HIPK3: variants seen among roughly 807,000 people sequenced by gnomAD.
HIPK3 encodes homeodomain-interacting protein kinase 3.
A neutral mutation model predicts 124.2 loss-of-function variants in HIPK3; 47 were observed. The ratio of observed to expected loss-of-function variants is 0.38; its 90% CI spans 0.30 to 0.48. The LOEUF is 0.48. HIPK3 is among the 20% of genes least tolerant of loss of function. HIPK3 has a pLI of 0.98. For missense variants in HIPK3, 1,286 were observed against 1,454.3 expected (o/e 0.88, Z 1.88); for synonymous variants, 482 against 515.2 (o/e 0.94, Z 0.87).
At chr11:33,288,437 A>G (rs939778748) in intron 2 of HIPK3, among the ~76,000 whole-genome samples, 2 of 152,174 alleles carry the variant, frequency 1.3e-5, no homozygotes, top group Admixed American at 6.6e-5. Context: ...CCTGGGCCAC[A>G]AGAGCAAAAC....
rs1237251616 is a variant in HIPK3 at position 33,287,028 on chromosome 11, G to A, written c.614G>A (p.Arg205Gln). The change falls in exon 2 of 17, where the codon CGA becomes CAA. Residue 205 changes from arginine to glutamine, a missense_variant. Coordinates refer to ENST00000303296, the MANE Select transcript of HIPK3 (RefSeq NM_005734.5). The stretch of plus-strand genomic sequence containing the variant: ...TACGAAGTCCTTGATTTTCTTGGTC[G>A]AGGCACGTTTGGCCAGGTAGTTAAA... ...NTYEVLDFLG[R>Q]GTFGQVVKCW... 5 of 1,614,144 alleles carry A rather than the reference G, an allele frequency of 3.1e-6. No homozygotes were observed. The highest frequency in any genetic ancestry group is 1.3e-5 in the African/African-American group (1 of 75,016).
chr11:33,279,295 C>T (rs1445145941), intron 1 of HIPK3, among the ~76,000 whole-genome samples: 3 of 130,720 alleles, frequency 2.3e-5, no homozygotes, highest in Admixed American at 1.9e-4. Flanking sequence ...AGCACTCCAG[C>T]GCAGGCAACA....
chr11:33,350,831 AT>A (rs1853636936), intron 14 of HIPK3, among the ~76,000 whole-genome samples: 1 of 152,256 alleles, frequency 6.6e-6, no homozygotes. Context: ...TATGGAAAAT[AT>A]AAGGAAATTT....
intron 1 of HIPK3, chr11:33,258,754 G>A (rs1448534051): frequency 7.1e-6 from 7 of 980,246 alleles, no homozygotes; most frequent in Non-Finnish European, 7.3e-6. Context: ...TTGCGCTGAA[G>A]AGTGTGTGCG....
intron 2 of HIPK3, among the ~76,000 whole-genome samples, chr11:33,309,835 T>C (rs1367738750): frequency 2.6e-5 from 4 of 152,208 alleles, no homozygotes; most frequent in Non-Finnish European, 5.9e-5. Context: ...AAGCTTAATA[T>C]TTGTTTATGG....
At chr11:33,348,396 T>C (rs1853560810) in intron 12 of HIPK3, 126 bp from the exon 13 acceptor site, 1 of 1,008,372 alleles carries the variant, frequency 9.9e-7, no homozygotes, top group East Asian at 2.6e-5. Flanking sequence ...TCAAGATCTG[T>C]TAGTGTGTTA....
rs1456938483 is a variant in HIPK3 at position 33,341,091 on chromosome 11, T to A, written c.1737T>A (p.Thr579=). Residue 579 remains threonine, a synonymous_variant, in exon 7 of 17, where the codon ACT becomes ACA. Transcript: ENST00000303296. The part of the protein sequence containing the change: ...PVASSSTATL[T]ANFTKIGTLR... ...CTTCAAGCAGTACTGCTACACTGAC[T>A]GCAAATTTTACTAAAATCGGAACAT... is the stretch of plus-strand genomic sequence containing the variant. The A allele has an allele frequency of 6.3e-7, 1 of 1,598,628 alleles. No homozygotes were observed. The highest frequency in any genetic ancestry group is 8.5e-7 in the Non-Finnish European group (1 of 1,174,896).
intron 2 of HIPK3, among the ~76,000 whole-genome samples, chr11:33,297,490 T>C (rs1460264024): frequency 1.3e-5 from 2 of 152,154 alleles, no homozygotes; most frequent in Admixed American, 6.5e-5. Flanking sequence ...CTCTCTTCAA[T>C]TCTATGAAAG....
chr11:33,266,951 C>T (rs1478691606), intron 1 of HIPK3, among the ~76,000 whole-genome samples: 3 of 151,990 alleles, frequency 2.0e-5, no homozygotes, highest in Non-Finnish European at 2.9e-5. Context: ...CTTGTTTTCT[C>T]GTGGTTTTTT....
chr11:33,267,991 A>G (rs749921255), intron 1 of HIPK3, among the ~76,000 whole-genome samples: 1 of 151,916 alleles, frequency 6.6e-6, no homozygotes, highest in East Asian at 1.9e-4. Context: ...CCGGCAGACC[A>G]CCTGAGCTCA....
rs571447303 is a variant in HIPK3, at chr11:33,309,578, T to C, written c.1098-18932T>C. On this transcript the variant is annotated intron_variant, in intron 2 of 16. Coordinates refer to ENST00000303296, the MANE Select transcript of HIPK3 (RefSeq NM_005734.5). ...GTGGCTGCTTGACTCTTATTTTTAA[T>C]TTAGACCCAGTTAGCCACTTAGGAT... 3.3e-5 allele frequency among the ~76,000 whole-genome samples: 5 copies of C among 152,368 alleles called. No homozygotes were observed. The East Asian group carries it at 5.8e-4, about 18-fold the overall frequency.
At chr11:33,279,720 G>A (rs937019450) in intron 1 of HIPK3, among the ~76,000 whole-genome samples, 6 of 152,272 alleles carry the variant, frequency 3.9e-5, no homozygotes, top group Middle Eastern at 6.8e-3. Flanking sequence ...CCCTTAGACT[G>A]GGTAATTTCT....
chr11:33,334,181 CAT>C (rs1196704415), intron 3 of HIPK3, among the ~76,000 whole-genome samples: 1 of 151,906 alleles, frequency 6.6e-6, no homozygotes, highest in African/African-American at 2.4e-5. Context: ...GGAAAACAGA[CAT>C]GTAAAAAATT....
intron 1 of HIPK3, among the ~76,000 whole-genome samples, chr11:33,268,576 G>GT (rs1175640080): frequency 6.5e-5 from 7 of 106,876 alleles, no homozygotes; most frequent in African/African-American, 2.4e-4. Context: ...GGACAACAGA[G>GT]TAAGACTCCG....
In HIPK3 at chr11:33,356,816, A is replaced by G. The variant is rs1358893170; in HGVS notation, c.*3248A>G. On this transcript the variant is annotated 3_prime_UTR_variant, in exon 17 of 17. Coordinates refer to ENST00000303296, the MANE Select transcript of HIPK3 (RefSeq NM_005734.5). ...TGCACTGTGCAATATTACAATAAGGACTGGGAAAATTTTATGGATGTAATG... is the reference window on the plus strand; with the variant it reads ...TGCACTGTGCAATATTACAATAAGGGCTGGGAAAATTTTATGGATGTAATG... 6.6e-6 allele frequency: 1 copy of G among 152,048 alleles called. No homozygotes were observed. Among genetic ancestry groups the G allele is most frequent in the African/African-American group, 2.4e-5 (1 of 41,422 alleles). 9.4% of individuals were successfully genotyped at this position (152,048 alleles called of 1,614,324 possible).
chr11:33,321,856 G>A (rs2133958813), intron 2 of HIPK3, among the ~76,000 whole-genome samples: 1 of 152,196 alleles, frequency 6.6e-6, no homozygotes, highest in South Asian at 2.1e-4. Flanking sequence ...CTCGCTATTA[G>A]GGGGAGAGCT....
chr11:33,285,576 A>AT (rs1202522600), intron 1 of HIPK3, among the ~76,000 whole-genome samples: 40 of 56,048 alleles, frequency 7.1e-4, no homozygotes, highest in Middle Eastern at 0.011. Flanking sequence ...TCAAAAAAAA[A>AT]AAATATATAT....
At chr11:33,257,237 G>T, upstream of HIPK3, 7 of 984,188 alleles carry the variant, frequency 7.1e-6, no homozygotes, top group Non-Finnish European at 8.4e-6. Flanking sequence ...GGACCCCGGG[G>T]AGGGGCTTCA....
At chr11:33,320,994 GT>G (rs140711716) in intron 2 of HIPK3, among the ~76,000 whole-genome samples, 1,963 of 152,252 alleles carry the variant, frequency 0.013, 25 homozygotes, top group Middle Eastern at 0.031. Flanking sequence ...TGTAAGGGAG[GT>G]TAGTGCACAT....
Sources: allele counts gnomAD v4.1 joint callset (sites outside exome capture counted in the v4.1 genomes callset), GRCh38; gene constraint gnomAD v4.1.1; transcripts MANE v1.5; gene names NCBI Gene and HGNC (gene_info 2026-07-23, HGNC 2026-07-21).